The following CCDC186 variants were observed in gnomAD, a reference collection of about 807,000 sequenced individuals.
CCDC186 encodes coiled-coil domain containing 186.
In CCDC186, 49 loss-of-function variants were observed where a neutral mutation model predicts 113.7. The ratio of observed to expected loss-of-function variants is 0.43; its 90% CI spans 0.34 to 0.55. The LOEUF (loss-of-function observed/expected upper bound fraction) is 0.55. Among genes scored for constraint, CCDC186 ranks in the 20% least tolerant of loss-of-function variants. CCDC186 has a pLI of 0.02. For synonymous variants in CCDC186, 355 were observed against 345.8 expected (o/e 1.03, Z -0.30); for missense variants, 890 against 1,011.1 (o/e 0.88, Z 1.62).
At chr10:114,150,400 GT>G in intron 4 of CCDC186, among the ~76,000 whole-genome samples, 1 of 152,216 alleles carries the variant, frequency 6.6e-6, no homozygotes, top group East Asian at 1.9e-4. Context: ...CAAAAAAGAT[GT>G]ATAGTATCAT....
intron 6 of CCDC186, among the ~76,000 whole-genome samples, chr10:114,142,955 C>T (rs1049302378): frequency 7.9e-5 from 12 of 152,170 alleles, no homozygotes; most frequent in African/African-American, 2.6e-4. Flanking sequence ...AACAAGTAAC[C>T]GGGAGCCCAT....
rs746172593 is a variant in CCDC186 at position 114,135,910 on chromosome 10, A to G, written c.1493T>C (p.Leu498Ser). Reference sequence around the variant, plus strand: ...AATTACCTTTGTTCTCAGTGTTCTTAACTCATCCATACCCTCCTTAAATGT... The same window carrying G: ...AATTACCTTTGTTCTCAGTGTTCTTGACTCATCCATACCCTCCTTAAATGT... ...KRTFKEGMDE[L>S]RTLRTKVKCL... The change falls in exon 9 of 16, where the codon TTA becomes TCA. Residue 498 changes from leucine to serine, a missense_variant. Transcript: ENST00000369287. The G allele has an allele frequency of 5.6e-6, 9 of 1,612,014 alleles. No individual in the cohort carries two copies. In the South Asian group the frequency reaches 9.9e-5, roughly 18 times the overall value.
intron 1 of CCDC186, among the ~76,000 whole-genome samples, chr10:114,171,416 T>C (rs2032491040): frequency 6.6e-6 from 1 of 152,012 alleles, no homozygotes; most frequent in Non-Finnish European, 1.5e-5. Flanking sequence ...ATTAGTATGG[T>C]GGCCTGTGCC....
intron 6 of CCDC186, among the ~76,000 whole-genome samples, chr10:114,137,623 C>A (rs1445675896): frequency 1.3e-5 from 2 of 152,108 alleles, no homozygotes; most frequent in Admixed American, 6.5e-5. Flanking sequence ...CGTCTTTTGG[C>A]CGGACGTGGT....
chr10:114,164,118 T>A (rs11196646), intron 1 of CCDC186, among the ~76,000 whole-genome samples: 31 of 129,762 alleles, frequency 2.4e-4, no homozygotes, highest in East Asian at 4.2e-4. Context: ...ATATATATTT[T>A]TTTTTTTTTT....
rs1315270255 is a variant in CCDC186 at position 114,121,483 on chromosome 10, T to C, written c.*3660A>G. ...AGAAAGATTGGAAACATGCGTGACA[T>C]GATTAATCTTTATGAGCACCAAATA... On this transcript the variant is annotated 3_prime_UTR_variant, in exon 16 of 16. Coordinates refer to ENST00000369287, the MANE Select transcript of CCDC186 (RefSeq NM_018017.4). 6.6e-6 allele frequency: 1 copy of C among 152,208 alleles called. No individual in the cohort carries two copies. Among genetic ancestry groups the C allele is most frequent in the African/African-American group, 2.4e-5 (1 of 41,448 alleles). The allele number at this position is 152,208 out of a possible 1,614,324, so 9.4% of individuals were successfully genotyped here. A position where few individuals can be genotyped will look rare whatever the true frequency, so the allele number is the denominator to read the frequency against.
intron 1 of CCDC186, 60 bp downstream of exon 1, chr10:114,173,955 G>A (rs767542351): frequency 2.2e-6 from 1 of 458,246 alleles, no homozygotes; most frequent in Admixed American, 2.4e-5. Flanking sequence ...AAGGCTGGCA[G>A]CCCCACCGCA....
Position 114,131,146 on chromosome 10 carries a change from C to G in CCDC186, c.2101+1G>C. On this transcript the variant is annotated splice_donor_variant, in intron 12 of 15. Transcript: ENST00000369287. LOFTEE classifies it high-confidence loss of function. Reference sequence around the variant, plus strand: ...GGTCTAAGTGTGGAAGAATTTTATACCTTGCTGAAGTTGTTTGGTGAGATC... The same window carrying G: ...GGTCTAAGTGTGGAAGAATTTTATAGCTTGCTGAAGTTGTTTGGTGAGATC... 1.3e-6 allele frequency: 2 copies of G among 1,510,262 alleles called. No homozygotes were observed. Among genetic ancestry groups the G allele is most frequent in the Non-Finnish European group, 1.8e-6 (2 of 1,132,688 alleles). The allele number at this position is 1,510,262 out of a possible 1,614,324, so 93.6% of individuals were successfully genotyped here.
In CCDC186 at chr10:114,162,033, AAT is replaced by A. The variant is rs569777530; in HGVS notation, c.632+602_632+603del. The A allele has an allele frequency of 5.9e-5, 9 of 152,322 alleles. No homozygotes were observed. The East Asian group carries it at 1.7e-3, about 29-fold the overall frequency. The allele number at this position is 152,322 out of a possible 1,614,324, so 9.4% of individuals were successfully genotyped here. On this transcript the variant is annotated intron_variant, in intron 2 of 15. Transcript: ENST00000369287. ...TTGCCAGGGACTGAGGGCAAGTGGA[AAT>A]AGTGTTGTTTAACGAATACAGTGTT... is the stretch of plus-strand genomic sequence containing the variant.
chr10:114,159,342 C>A (rs1308230824), intron 2 of CCDC186, among the ~76,000 whole-genome samples: 1 of 152,066 alleles, frequency 6.6e-6, no homozygotes, highest in Admixed American at 6.6e-5. Flanking sequence ...ACTTATGTGC[C>A]AAATGCATAT....
Position 114,124,868 on chromosome 10 carries a change from A to T in CCDC186, c.*275T>A, listed in dbSNP as rs1344486309. Reference sequence around the variant, plus strand: ...TTTATAAAAGCCCTTGTAATGTTCAACACTTCTTATGAATACAAGCAAATT... The same window carrying T: ...TTTATAAAAGCCCTTGTAATGTTCATCACTTCTTATGAATACAAGCAAATT... On this transcript the variant is annotated 3_prime_UTR_variant, in exon 16 of 16. Transcript: ENST00000369287. The T allele has an allele frequency of 3.2e-6, 1 of 312,350 alleles. No homozygotes were observed. The highest frequency in any genetic ancestry group is 5.8e-6 in the Non-Finnish European group (1 of 172,602). 19.3% of individuals were successfully genotyped at this position (312,350 alleles called of 1,614,324 possible). A position where few individuals can be genotyped will look rare whatever the true frequency, so the allele number is the denominator to read the frequency against.
rs762196893 is a variant in CCDC186 at position 114,131,135 on chromosome 10, AG to A, written c.2101+11del. ...AACACATTCATGGTCTAAGTGTGGA[AG>A]AATTTTATACCTTGCTGAAGTTGTT... On this transcript the variant is annotated intron_variant, in intron 12 of 15. Transcript: ENST00000369287. 1 of 1,473,042 alleles carries A rather than the reference AG, an allele frequency of 6.8e-7. No homozygotes were observed. Among genetic ancestry groups the A allele is most frequent in the South Asian group, 1.5e-5 (1 of 67,726 alleles). The allele number at this position is 1,473,042 out of a possible 1,614,324, so 91.2% of individuals were successfully genotyped here.
At chr10:114,157,230 C>A (rs1007585977) in intron 3 of CCDC186, among the ~76,000 whole-genome samples, 8 of 144,626 alleles carry the variant, frequency 5.5e-5, no homozygotes, top group African/African-American at 2.1e-4. Flanking sequence ...CTCACCCAGG[C>A]TGGAGTACAG....
chr10:114,157,712 A>C, intron 2 of CCDC186, 32 bp from the exon 3 acceptor site: 1 of 1,488,224 alleles, frequency 6.7e-7, no homozygotes, highest in Non-Finnish European at 9.1e-7. Flanking sequence ...TATGTAAAAC[A>C]TAATTTAAAA....
intron 3 of CCDC186, among the ~76,000 whole-genome samples, chr10:114,153,503 G>A (rs2031914822): frequency 1.3e-5 from 2 of 151,970 alleles, no homozygotes; most frequent in South Asian, 2.1e-4. Context: ...AGAAGAAAGG[G>A]GGCCAGGCGG....
intron 3 of CCDC186, among the ~76,000 whole-genome samples, chr10:114,153,198 A>T (rs11592444): frequency 0.072 from 10,904 of 152,276 alleles, 503 homozygotes; most frequent in Middle Eastern, 0.14. Flanking sequence ...TCCATGACAG[A>T]GGATATGCTA....
chr10:114,164,107 TATATA>T (rs1179852339), intron 1 of CCDC186, among the ~76,000 whole-genome samples: 2 of 129,624 alleles, frequency 1.5e-5, no homozygotes, highest in African/African-American at 6.7e-5. Flanking sequence ...TGTGTGTATA[TATATA>T]TATTTTTTTT....
chr10:114,142,461 G>C (rs1319204466), intron 6 of CCDC186, among the ~76,000 whole-genome samples: 2 of 152,226 alleles, frequency 1.3e-5, no homozygotes, highest in African/African-American at 4.8e-5. Context: ...CTGATATCAG[G>C]TAGGTGAATA....
At chr10:114,136,556 TAAG>T (rs1202396206) in intron 7 of CCDC186, among the ~76,000 whole-genome samples, 1 of 152,196 alleles carries the variant, frequency 6.6e-6, no homozygotes, top group Non-Finnish European at 1.5e-5. Flanking sequence ...GCATTGCAAT[TAAG>T]TTTATTAATT....
Sources: allele counts gnomAD v4.1 joint callset (sites outside exome capture counted in the v4.1 genomes callset), GRCh38; gene constraint gnomAD v4.1.1; transcripts MANE v1.5; gene names NCBI Gene and HGNC (gene_info 2026-07-23, HGNC 2026-07-21).